The following PLD2 variants were observed in gnomAD, a reference collection of about 807,000 sequenced individuals.
The protein encoded by PLD2 is phospholipase D2.
Under a neutral mutation model 119.8 loss-of-function variants are expected in PLD2, and 101 were observed. The ratio of observed to expected loss-of-function variants is 0.84; its 90% CI spans 0.72 to 0.99. The LOEUF (loss-of-function observed/expected upper bound fraction) is 0.99, where lower values mean the gene tolerates loss of function less well. Ranked by LOEUF, PLD2 falls within the 50% of genes least tolerant of loss-of-function variation. The pLI, the probability that PLD2 is intolerant of heterozygous loss-of-function variation, is 0.00. For missense variants in PLD2, 1,164 were observed against 1,226.8 expected (o/e 0.95, Z 0.76); for synonymous variants, 494 against 482.8 (o/e 1.02, Z -0.30).
intron 23 of PLD2, among the ~76,000 whole-genome samples, chr17:4,820,824 C>T (rs1439186318): frequency 2.2e-4 from 32 of 147,776 alleles, no homozygotes; most frequent in South Asian, 1.7e-3. Flanking sequence ...GATCTGCCCG[C>T]CTCCGCCTCC....
chr17:4,815,497 ATTCTGC>A lies in PLD2; in HGVS notation c.1197_1202del (p.Ile399_Leu401delinsMet). ...CCAGGAGGAGGGTGTCCGTGTGTCTATTCTGCTGTTTAAAGAAGTGGAATTGGCCTT... is the reference window on the plus strand; with the variant it reads ...CCAGGAGGAGGGTGTCCGTGTGTCTATGTTTAAAGAAGTGGAATTGGCCTT... On this transcript the variant is annotated inframe_deletion, in exon 13 of 25. Transcript: ENST00000263088. The A allele has an allele frequency of 6.2e-7, 1 of 1,612,086 alleles. No individual in the cohort carries two copies. The highest frequency in any genetic ancestry group is 1.1e-5 in the South Asian group (1 of 91,048).
Position 4,818,086 on chromosome 17 carries a change from C to T in PLD2, c.1900C>T (p.Gln634Ter). Residue 634 changes from glutamine (Q) to a stop codon, truncating the protein, a stop_gained, in exon 18 of 25, where the codon CAG (glutamine) becomes TAG (stop). Transcript: ENST00000263088. LOFTEE classifies it high-confidence loss of function. ...NAYLHTIRESQHFLYIENQFF... is the reference protein window; with the variant it reads ...NAYLHTIRES Reference sequence around the variant, plus strand: ...CTACCTGCACACCATCAGGGAGAGCCAGCACTTCCTCTACATTGAGGTCTG... The same window carrying T: ...CTACCTGCACACCATCAGGGAGAGCTAGCACTTCCTCTACATTGAGGTCTG... The T allele has an allele frequency of 1.2e-6, 2 of 1,613,192 alleles. No individual in the cohort carries two copies. Among genetic ancestry groups the T allele is most frequent in the African/African-American group, 2.7e-5 (2 of 75,048 alleles).
chr17:4,813,049 G>C (rs1364336064), intron 10 of PLD2, among the ~76,000 whole-genome samples: 1 of 151,986 alleles, frequency 6.6e-6, no homozygotes, highest in Non-Finnish European at 1.5e-5. Flanking sequence ...TGGCTCTGTC[G>C]CCCAAGCTGG....
At chr17:4,815,633 C>T (rs772083722) in intron 13 of PLD2, 47 bp downstream of exon 13, 81 of 1,577,592 alleles carry the variant, frequency 5.1e-5, no homozygotes, top group Admixed American at 2.3e-4. Context: ...CCCTTCTCCC[C>T]ACACTGTCCC....
Position 4,819,497 on chromosome 17 carries a change from G to A in PLD2, c.2377G>A (p.Asp793Asn). The change falls in exon 23 of 25, where the codon GAC (aspartate) becomes AAC (asparagine). Residue 793 changes from aspartate (D) to asparagine (N), a missense_variant. By Grantham distance (23) the Asp-to-Asn change is conservative. Transcript: ENST00000263088. The surrounding 1 kb of genome is among the most constrained non-coding windows in gnomAD (Gnocchi z 4.2). ...RDSELAVLIE[D>N]TETEPSLMNG... ...CAGTGAGCTGGCCGTGCTGATCGAG[G>A]ACACAGAGACGGAACCATCCCTCAT... The A allele has an allele frequency of 2.5e-6, 4 of 1,614,118 alleles. No homozygotes were observed. Among genetic ancestry groups the A allele is most frequent in the Non-Finnish European group, 3.4e-6 (4 of 1,180,026 alleles).
Position 4,809,863 on chromosome 17 carries a change from C to A in PLD2, c.708-14C>A, listed in dbSNP as rs374534452. 3,257 of 1,614,114 alleles carry A rather than the reference C, an allele frequency of 2.0e-3. 84 individuals carry two copies. In the South Asian group the frequency reaches 0.034, roughly 17 times the overall value. On this transcript the variant is annotated splice_polypyrimidine_tract_variant and intron_variant, in intron 8 of 24. Transcript: ENST00000263088. The stretch of plus-strand genomic sequence containing the variant: ...TGAGGGCAGAGAGGAACACACGGAG[C>A]CCTTCTGCTCTAGGTGGCTGGTGGT...
chr17:4,812,262 G>A (rs1163028117), intron 10 of PLD2, among the ~76,000 whole-genome samples: 1 of 148,026 alleles, frequency 6.8e-6, no homozygotes, highest in Admixed American at 6.8e-5. Flanking sequence ...GATCACAGGT[G>A]CATGCCACCA....
chr17:4,814,789 G>A (rs1164125003), intron 12 of PLD2, 78 bp downstream of exon 12: 1 of 1,280,566 alleles, frequency 7.8e-7, no homozygotes, highest in Admixed American at 1.8e-5. Context: ...CAGTGTGGGA[G>A]AATTAGGCAG....
chr17:4,809,675 C>G lies in PLD2; in HGVS notation c.615-16C>G, dbSNP rs750177335. ...CTGGAGTCCTCATCCCGCCTCTCTT[C>G]CTGATTGTCCCACAGGGAGGGGATG... is the stretch of plus-strand genomic sequence containing the variant. On this transcript the variant is annotated splice_polypyrimidine_tract_variant and intron_variant, in intron 7 of 24. Coordinates refer to ENST00000263088, the MANE Select transcript of PLD2 (RefSeq NM_002663.5). 3.1e-6 allele frequency: 5 copies of G among 1,613,824 alleles called. No homozygotes were observed. The South Asian group carries it at 5.5e-5, about 18-fold the overall frequency.
chr17:4,817,603 A>G (rs1907136947), intron 17 of PLD2, among the ~76,000 whole-genome samples: 1 of 150,618 alleles, frequency 6.6e-6, no homozygotes, highest in Admixed American at 6.7e-5. Flanking sequence ...AGGATGTTGT[A>G]GTGAGCTGAG....
rs1347945122 is a variant in PLD2 at position 4,821,824 on chromosome 17, TTGGA to T, written c.2496_2499del (p.Leu832PhefsTer79). 3 of 1,613,954 alleles carry T rather than the reference TTGGA, an allele frequency of 1.9e-6. No homozygotes were observed. Among genetic ancestry groups the T allele is most frequent in the Non-Finnish European group, 2.5e-6 (3 of 1,179,940 alleles). ...TCTTGGAGCAAATACCCGGCCAGAC[TTGGA>T]TCTCCGAGACCCCATCTGTGATGAC... On this transcript the variant is annotated frameshift_variant, in exon 24 of 25. Coordinates refer to ENST00000263088, the MANE Select transcript of PLD2 (RefSeq NM_002663.5). LOFTEE classifies it high-confidence loss of function.
chr17:4,820,759 G>T (rs1233928671), intron 23 of PLD2, among the ~76,000 whole-genome samples: 1 of 148,706 alleles, frequency 6.7e-6, no homozygotes. Flanking sequence ...TGTATTTTTA[G>T]TAGAGACGGG....
Position 4,823,111 on chromosome 17 carries a change from A to C in PLD2, c.*247A>C. ...TCCCCCCTGCTGCCCAGTGCAAACC[A>C]CTTCTCCATGCTGCAAAGGAGAAGC... On this transcript the variant is annotated 3_prime_UTR_variant, in exon 25 of 25. Transcript: ENST00000263088. The C allele has an allele frequency of 2.1e-6, 1 of 468,288 alleles. No individual in the cohort carries two copies. 29.0% of individuals were successfully genotyped at this position (468,288 alleles called of 1,614,324 possible). A position where few individuals can be genotyped will look rare whatever the true frequency, so the allele number is the denominator to read the frequency against.
In PLD2 at chr17:4,815,149, G is replaced by GAT. The variant is rs144230473; in HGVS notation, c.1174-324_1174-323dup. Among the ~76,000 whole-genome samples the GAT allele has an allele frequency of 7.4e-4, 113 of 152,188 alleles. 1 individual carries two copies. In the East Asian group the frequency reaches 0.02, roughly 27 times the overall value. On this transcript the variant is annotated intron_variant, in intron 12 of 24. Coordinates refer to ENST00000263088, the MANE Select transcript of PLD2 (RefSeq NM_002663.5). ...GGACAGAAAGGGTGATGGATGGAAG[G>GAT]ATATGAGTTGGAAAGGTGGAGGGCT...
intron 23 of PLD2, among the ~76,000 whole-genome samples, chr17:4,820,474 G>A (rs1290615146): frequency 1.4e-5 from 2 of 145,768 alleles, no homozygotes; most frequent in African/African-American, 5.1e-5. Flanking sequence ...CGCTGTGTTG[G>A]CCAGGCTGAT....
rs752546625 is a variant in PLD2 at position 4,809,999 on chromosome 17, G to A, written c.830G>A (p.Arg277Gln). 19 of 1,613,530 alleles carry A rather than the reference G, an allele frequency of 1.2e-5. No homozygotes were observed. Among genetic ancestry groups the A allele is most frequent in the Admixed American group, 3.3e-5 (2 of 59,990 alleles). The change falls in exon 9 of 25, where the codon CGG becomes CAG. Residue 277 changes from arginine to glutamine, a missense_variant. Transcript: ENST00000263088. ...VQVGKRSTEARHGVRIDTSHR... is the reference protein window; with the variant it reads ...VQVGKRSTEAQHGVRIDTSHR... ...GTGGGGAAAAGGAGCACGGAGGCAC[G>A]GCACGGCGTGCGGATCGATACCTCC... is the stretch of plus-strand genomic sequence containing the variant.
chr17:4,820,385 A>T (rs1907531830), intron 23 of PLD2, among the ~76,000 whole-genome samples: 1 of 148,722 alleles, frequency 6.7e-6, no homozygotes, highest in South Asian at 2.1e-4. Flanking sequence ...CTTCTGCCTC[A>T]GCCTCCGGAG....
In PLD2 at chr17:4,810,884, A is replaced by G. The variant is rs1285231898; in HGVS notation, c.943A>G (p.Arg315Gly). The G allele has an allele frequency of 3.7e-6, 6 of 1,613,948 alleles. No individual in the cohort carries two copies. The highest frequency in any genetic ancestry group is 1.3e-5 in the African/African-American group (1 of 75,022). ...EITELAQGPG[R>G]DFLQLHRHDS... ...CACTGAGCTGGCACAGGGCCCAGGCAGAGACTTCCTACAGCTGCACCGGCA... is the reference window on the plus strand; with the variant it reads ...CACTGAGCTGGCACAGGGCCCAGGCGGAGACTTCCTACAGCTGCACCGGCA... The change falls in exon 10 of 25, where the codon AGA becomes GGA. Residue 315 changes from arginine (R) to glycine (G), a missense_variant. Arg to Gly is a moderately radical substitution (Grantham distance 125, BLOSUM62 -2). Coordinates refer to ENST00000263088, the MANE Select transcript of PLD2 (RefSeq NM_002663.5).
At chr17:4,822,533 C>T (rs1907785850) in intron 24 of PLD2, 107 bp from the exon 25 acceptor site, 8 of 684,124 alleles carry the variant, frequency 1.2e-5, no homozygotes, top group South Asian at 7.6e-5. Flanking sequence ...CCAGGGTCAA[C>T]GGGGGGTATG....
Sources: gnomAD v4.1 joint callset for allele counts (sites outside exome capture counted in the v4.1 genomes callset) on GRCh38, gnomAD v4.1.1 for gene constraint, Gnocchi (gnomAD v3.1) non-coding constraint, MANE v1.5 for transcripts, NCBI Gene and HGNC (gene_info 2026-07-23, HGNC 2026-07-21) for gene names.